Variants in DYNC2H1 observed in about 807,000 individuals in gnomAD.
DYNC2H1 encodes dynein cytoplasmic 2 heavy chain 1, also known as cytoplasmic dynein 2 heavy chain 1.
A neutral mutation model predicts 570.0 loss-of-function variants in DYNC2H1; 410 were observed. The ratio of observed to expected loss-of-function variants is 0.72; its 90% confidence interval spans 0.66 to 0.78. The LOEUF is 0.78. Ranked by LOEUF, DYNC2H1 falls within the 30% of genes least tolerant of loss-of-function variation. The pLI is 0.00. For missense variants in DYNC2H1, 4,865 were observed against 5,046.4 expected (o/e 0.96, Z 1.09); for synonymous variants, 1,688 against 1,677.6 (o/e 1.01, Z -0.15).
chr11:103,140,993 C>A (rs868220175), intron 17 of DYNC2H1, among the ~76,000 whole-genome samples: 2 of 152,130 alleles, frequency 1.3e-5, no homozygotes, highest in African/African-American at 4.8e-5. Flanking sequence ...TCCAGTTGAT[C>A]GCATCGGCTC....
intron 82 of DYNC2H1, among the ~76,000 whole-genome samples, chr11:103,341,183 G>A (rs1046883145): frequency 1.3e-5 from 2 of 152,100 alleles, no homozygotes; most frequent in African/African-American, 4.8e-5. Context: ...TTATGGAATC[G>A]ATTCATTCAA....
intron 70 of DYNC2H1, among the ~76,000 whole-genome samples, chr11:103,276,703 A>T (rs1239369140): frequency 6.6e-6 from 1 of 152,102 alleles, no homozygotes; most frequent in African/African-American, 2.4e-5. Context: ...TCCTTCTACA[A>T]AATGGATTAT....
intron 84 of DYNC2H1, among the ~76,000 whole-genome samples, chr11:103,416,452 C>G (rs1301513266): frequency 6.6e-6 from 1 of 152,064 alleles, no homozygotes; most frequent in Non-Finnish European, 1.5e-5. Context: ...GCTACAGTAA[C>G]CAAAACAGAT....
intron 34 of DYNC2H1, among the ~76,000 whole-genome samples, chr11:103,172,142 T>C (rs1861600961): frequency 6.6e-6 from 1 of 152,196 alleles, no homozygotes; most frequent in Non-Finnish European, 1.5e-5. Flanking sequence ...ATGTTGTTTA[T>C]GTGATGTTTA....
chr11:103,409,123 G>T (rs1417990639), intron 84 of DYNC2H1, among the ~76,000 whole-genome samples: 1 of 152,038 alleles, frequency 6.6e-6, no homozygotes, highest in Non-Finnish European at 1.5e-5. Flanking sequence ...GGTAATGCTA[G>T]AGGTGGTGTT....
At chr11:103,441,591 A>G (rs1445932767) in intron 85 of DYNC2H1, among the ~76,000 whole-genome samples, 2 of 152,134 alleles carry the variant, frequency 1.3e-5, no homozygotes, top group African/African-American at 4.8e-5. Flanking sequence ...TGTTGAATAA[A>G]TAAATGACTC....
Position 103,117,875 on chromosome 11 carries a change from A to C in DYNC2H1, c.999+12A>C. The C allele has an allele frequency of 6.3e-7, 1 of 1,596,462 alleles. No individual in the cohort carries two copies. Among genetic ancestry groups the C allele is most frequent in the Non-Finnish European group, 8.6e-7 (1 of 1,167,614 alleles). Reference sequence around the variant, plus strand: ...AACGCCTTGAAGAGGTATCAATTTGATTATCTAGATCTTTGTCTTTAAATG... The same window carrying C: ...AACGCCTTGAAGAGGTATCAATTTGCTTATCTAGATCTTTGTCTTTAAATG... On this transcript the variant is annotated intron_variant, in intron 6 of 88. Transcript: ENST00000375735.
intron 82 of DYNC2H1, among the ~76,000 whole-genome samples, chr11:103,332,067 C>CA (rs879873856): frequency 0.058 from 5,926 of 101,794 alleles, 363 homozygotes; most frequent in African/African-American, 0.19. Context: ...GACTCCATCT[C>CA]AAAAAAAAAA....
chr11:103,188,043 A>AT (rs1339875870), intron 43 of DYNC2H1, among the ~76,000 whole-genome samples: 1 of 151,910 alleles, frequency 6.6e-6, no homozygotes, highest in Non-Finnish European at 1.5e-5. Context: ...TGTGGAATAT[A>AT]TTTTTTCTTT....
intron 12 of DYNC2H1, among the ~76,000 whole-genome samples, chr11:103,125,592 G>C (rs1055173067): frequency 2.6e-5 from 4 of 152,056 alleles, no homozygotes; most frequent in African/African-American, 9.7e-5. Context: ...TTCTAATTAA[G>C]GAGTCCTCTG....
intron 17 of DYNC2H1, among the ~76,000 whole-genome samples, chr11:103,140,664 A>T (rs1238943417): frequency 6.6e-6 from 1 of 152,074 alleles, no homozygotes; most frequent in Non-Finnish European, 1.5e-5. Context: ...AACTTTGGTG[A>T]ATCTGACAAT....
chr11:103,403,321 G>T (rs1395394225), intron 84 of DYNC2H1: 2 of 152,144 alleles, frequency 1.3e-5, no homozygotes, highest in African/African-American at 4.8e-5. Flanking sequence ...TAGGGGGTGT[G>T]TAATAAATGA....
intron 82 of DYNC2H1, among the ~76,000 whole-genome samples, chr11:103,345,016 A>G (rs972595923): frequency 6.6e-6 from 1 of 152,062 alleles, no homozygotes; most frequent in Admixed American, 6.6e-5. Context: ...TAGTAGTTCT[A>G]TTACGTGCAT....
In DYNC2H1 at chr11:103,168,938, T is replaced by C; in HGVS notation, c.4946T>C (p.Phe1649Ser). 1 of 1,611,510 alleles carries C rather than the reference T, an allele frequency of 6.2e-7. No individual in the cohort carries two copies. The highest frequency in any genetic ancestry group is 1.3e-5 in the African/African-American group (1 of 74,992). ...TCCVQMVDSE[F>S]QYTYEYQGNA... ...TGTGTTCAAATGGTGGATTCTGAAT[T>C]TCAGTATACTTATGAATATCAGGTA... is the stretch of plus-strand genomic sequence containing the variant. The change falls in exon 32 of 89, where the codon TTT becomes TCT. Residue 1649 changes from phenylalanine to serine, a missense_variant. This residue lies in a region of DYNC2H1 where 1,936 missense variants were observed against 1,962.1 expected (regional missense o/e 0.99). Transcript: ENST00000375735.
chr11:103,427,164 A>G (rs1180257669), intron 84 of DYNC2H1, among the ~76,000 whole-genome samples: 2 of 152,190 alleles, frequency 1.3e-5, no homozygotes, highest in African/African-American at 2.4e-5. Context: ...CTACATACAT[A>G]CATACTTTTA....
chr11:103,265,454 A>C (rs562676918), intron 70 of DYNC2H1, among the ~76,000 whole-genome samples: 1 of 152,296 alleles, frequency 6.6e-6, no homozygotes, highest in Non-Finnish European at 1.5e-5. Flanking sequence ...GCTCTTAATA[A>C]TTTAGATTCC....
At position 103,200,027 on chromosome 11, in the gene DYNC2H1, A is replaced by G; in HGVS notation, c.8089-19A>G. 1 of 1,539,648 alleles carries G rather than the reference A, an allele frequency of 6.5e-7. No homozygotes were observed. Among genetic ancestry groups the G allele is most frequent in the South Asian group, 1.2e-5 (1 of 83,192 alleles). ...AAAAATACTTAAAGGGCACTAAAAA[A>G]TATTTTCTGATTTTGCAGGTGCTGC... is the stretch of plus-strand genomic sequence containing the variant. On this transcript the variant is annotated intron_variant, in intron 49 of 88. Transcript: ENST00000375735.
chr11:103,234,823 C>T (rs905701997), intron 61 of DYNC2H1, among the ~76,000 whole-genome samples: 11 of 151,912 alleles, frequency 7.2e-5, no homozygotes, highest in African/African-American at 2.4e-4. Flanking sequence ...GAACTCAAAC[C>T]CAACATGTCT....
Position 103,240,000 on chromosome 11 carries a change from A to G in DYNC2H1, c.9819+3461A>G, listed in dbSNP as rs773137909. 6.0e-5 allele frequency among the ~76,000 whole-genome samples: 9 copies of G among 150,710 alleles called. No homozygotes were observed. The highest frequency in any genetic ancestry group is 7.4e-5 in the African/African-American group (3 of 40,530). On this transcript the variant is annotated intron_variant, in intron 63 of 88. Coordinates refer to ENST00000375735, the MANE Select transcript of DYNC2H1 (RefSeq NM_001377.3). This position sits in a 1 kb window ranked among gnomAD's most constrained non-coding sequence, Gnocchi z 4.3. ...ACCCATTCTTTCTAGGCAGCTCAAAATTTATCAGCCTTTAACTAAATTCAC... is the reference window on the plus strand; with the variant it reads ...ACCCATTCTTTCTAGGCAGCTCAAAGTTTATCAGCCTTTAACTAAATTCAC...
Sources: allele counts gnomAD v4.1 joint callset (sites outside exome capture counted in the v4.1 genomes callset), GRCh38; gene constraint gnomAD v4.1.1; regional missense constraint gnomAD v4.1.1; non-coding constraint Gnocchi (gnomAD v3.1); transcripts MANE v1.5; gene names NCBI Gene and HGNC (gene_info 2026-07-23, HGNC 2026-07-21).